Variants in DSCAM observed in about 807,000 individuals in gnomAD.
DSCAM encodes DS cell adhesion molecule.
DSCAM carries 47 observed loss-of-function variants against 217.7 expected under a neutral mutation model. That is an observed-to-expected ratio of 0.22 (90% CI 0.17 to 0.28). The LOEUF (loss-of-function observed/expected upper bound fraction) is 0.28, where lower values mean the gene tolerates loss of function less well. Ranked by LOEUF, DSCAM falls within the 10% of genes least tolerant of loss-of-function variation. The probability of loss-of-function intolerance (pLI) is 1.00; values close to 1 mark genes in which losing one functional copy is unlikely to be tolerated. For missense variants in DSCAM, 2,080 were observed against 2,618.3 expected, an observed-to-expected ratio of 0.79 and a Z score of 4.49; for synonymous variants, 1,056 against 1,015.3, an observed-to-expected ratio of 1.04 and a Z score of -0.76.
chr21:40,634,167 G>A (rs2089725991), intron 3 of DSCAM, among the ~76,000 whole-genome samples: 1 of 152,150 alleles, frequency 6.6e-6, no homozygotes, highest in Non-Finnish European at 1.5e-5. Context: ...AGGAGTAAAA[G>A]CACAAGAGTT....
chr21:40,340,100 T>C (rs982722721), intron 6 of DSCAM, among the ~76,000 whole-genome samples: 3 of 152,166 alleles, frequency 2.0e-5, no homozygotes, highest in African/African-American at 4.8e-5. Flanking sequence ...TCTAAAGATA[T>C]CTTAAGTAGG....
At chr21:40,264,336 G>A (rs6517587) in intron 11 of DSCAM, among the ~76,000 whole-genome samples, 4 of 151,962 alleles carry the variant, frequency 2.6e-5, no homozygotes, top group Non-Finnish European at 5.9e-5. Flanking sequence ...ATAGCAAATC[G>A]AATCCAATAG....
chr21:40,657,689 G>T (rs150616633), intron 3 of DSCAM, among the ~76,000 whole-genome samples: 1 of 152,112 alleles, frequency 6.6e-6, no homozygotes, highest in African/African-American at 2.4e-5. Context: ...GGAGTACCCC[G>T]CAGGAGTACC....
chr21:40,833,778 A>T (rs2123653919), intron 1 of DSCAM, among the ~76,000 whole-genome samples: 1 of 152,268 alleles, frequency 6.6e-6, no homozygotes, highest in East Asian at 1.9e-4. Context: ...TCCATGGAAA[A>T]AACGCAGTAC....
chr21:40,473,932 G>A (rs927910796), intron 3 of DSCAM, among the ~76,000 whole-genome samples: 4 of 152,196 alleles, frequency 2.6e-5, no homozygotes, highest in Non-Finnish European at 5.9e-5. Context: ...AATGACTGCT[G>A]TTCAAACCCC....
At chr21:40,341,293 A>G (rs1302907904) in intron 6 of DSCAM, among the ~76,000 whole-genome samples, 2 of 152,206 alleles carry the variant, frequency 1.3e-5, no homozygotes, top group African/African-American at 4.8e-5. Context: ...TCAGTCATTA[A>G]TACTTAGGAG....
chr21:40,530,931 A>G (rs2076440614), intron 3 of DSCAM, among the ~76,000 whole-genome samples: 1 of 118,438 alleles, frequency 8.4e-6, no homozygotes, highest in South Asian at 2.6e-4. Flanking sequence ...CCATCCATCC[A>G]TCCATCCATC....
intron 8 of DSCAM, among the ~76,000 whole-genome samples, chr21:40,315,131 G>A (rs965162108): frequency 6.6e-6 from 1 of 152,144 alleles, no homozygotes; most frequent in Non-Finnish European, 1.5e-5. Flanking sequence ...GGGTGTGGTG[G>A]CTCACGCCTG....
At chr21:40,038,280 C>T (rs1465245850) in intron 32 of DSCAM, among the ~76,000 whole-genome samples, 1 of 85,174 alleles carries the variant, frequency 1.2e-5, no homozygotes. Flanking sequence ...TGACAAAGGG[C>T]TAATATCCAG....
chr21:40,756,448 T>C (rs188698850), intron 1 of DSCAM, among the ~76,000 whole-genome samples: 3 of 152,190 alleles, frequency 2.0e-5, no homozygotes, highest in Admixed American at 6.5e-5. Flanking sequence ...CTGGAGTGCA[T>C]TGGCATGATC....
At chr21:40,481,759 T>C (rs993133848) in intron 3 of DSCAM, among the ~76,000 whole-genome samples, 3 of 152,142 alleles carry the variant, frequency 2.0e-5, no homozygotes, top group African/African-American at 7.2e-5. Flanking sequence ...AATCTTGCCA[T>C]CCTAACCCAC....
At chr21:40,782,566 A>T (rs2091556559) in intron 1 of DSCAM, among the ~76,000 whole-genome samples, 1 of 152,046 alleles carries the variant, frequency 6.6e-6, no homozygotes, top group Admixed American at 6.5e-5. Context: ...CATCTCTACA[A>T]AGAATGCAAA....
chr21:40,218,992 G>A (rs1446505435), intron 11 of DSCAM, among the ~76,000 whole-genome samples: 1 of 152,118 alleles, frequency 6.6e-6, no homozygotes, highest in East Asian at 1.9e-4. Flanking sequence ...GATTGCTCTA[G>A]CTAGGACTTT....
chr21:40,456,766 T>A (rs1278801297), intron 3 of DSCAM, among the ~76,000 whole-genome samples: 5 of 152,178 alleles, frequency 3.3e-5, no homozygotes, highest in Admixed American at 1.3e-4. Context: ...AAATATTGCA[T>A]ATATTGATTG....
At position 40,133,905 on chromosome 21, in the gene DSCAM, C is replaced by T. The variant is rs769477057; in HGVS notation, c.3511G>A (p.Ala1171Thr). The T allele has an allele frequency of 1.1e-5, 18 of 1,613,574 alleles. No homozygotes were observed. Among genetic ancestry groups the T allele is most frequent in the African/African-American group, 2.7e-5 (2 of 74,856 alleles). ...YSIQVLAFTR[A>T]GDGVRSEQIF... ...TGCTCACTCCTGACCCCGTCTCCTG[C>T]GCGGGTGAAGGCCAGCACCTGGATG... The change falls in exon 19 of 33, where the codon GCA (alanine) becomes ACA (threonine). Residue 1171 changes from alanine (A) to threonine (T), a missense_variant. By Grantham distance (58) the Ala-to-Thr change is moderately conservative (BLOSUM62 0). Around this residue, in one of 5 missense-constraint regions of DSCAM, gnomAD observed 1,144 missense variants for 1,421.1 expected, o/e 0.81. Coordinates refer to ENST00000400454, the MANE Select transcript of DSCAM (RefSeq NM_001389.5).
intron 3 of DSCAM, among the ~76,000 whole-genome samples, chr21:40,582,519 A>T (rs566639889): frequency 6.6e-6 from 1 of 152,340 alleles, no homozygotes; most frequent in South Asian, 2.1e-4. Flanking sequence ...GTATGTAGTA[A>T]ACATAGCTTT....
chr21:40,080,410 A>C, intron 24 of DSCAM, 70 bp from the exon 25 acceptor site: 1 of 1,309,546 alleles, frequency 7.6e-7, no homozygotes, highest in Non-Finnish European at 1.0e-6. Context: ...TGATGCTTGC[A>C]TTTTGTGTGG....
At chr21:40,728,016 T>C (rs2090975183) in intron 1 of DSCAM, among the ~76,000 whole-genome samples, 1 of 152,164 alleles carries the variant, frequency 6.6e-6, no homozygotes, top group Non-Finnish European at 1.5e-5. Flanking sequence ...TTTTCCAGCC[T>C]TGGCTGTGCC....
At chr21:40,600,008 GC>G (rs1487144234) in intron 3 of DSCAM, among the ~76,000 whole-genome samples, 1 of 152,112 alleles carries the variant, frequency 6.6e-6, no homozygotes, top group Non-Finnish European at 1.5e-5. Context: ...TGGATTCACA[GC>G]TGAATTCTAC....
Sources: allele counts gnomAD v4.1 joint callset (sites outside exome capture counted in the v4.1 genomes callset), GRCh38; gene constraint gnomAD v4.1.1; regional missense constraint gnomAD v4.1.1; transcripts MANE v1.5; gene names NCBI Gene and HGNC (gene_info 2026-07-23, HGNC 2026-07-21).